Variants in TMCO5A observed in about 807,000 individuals in gnomAD.
The protein encoded by TMCO5A is transmembrane and coiled-coil domains 5A, also known as transmembrane and coiled-coil domain-containing protein 5A.
In TMCO5A, 34 loss-of-function variants were observed where a neutral mutation model predicts 42.3. The ratio of observed to expected loss-of-function variants is 0.80; its 90% CI spans 0.61 to 1.07. The LOEUF is 1.07. Among genes scored for constraint, TMCO5A ranks in the 50% least tolerant of loss-of-function variants. The pLI is 0.00. For synonymous variants in TMCO5A, 131 were observed against 115.6 expected, an observed-to-expected ratio of 1.13 and a Z score of -0.86; for missense variants, 357 against 327.9, an observed-to-expected ratio of 1.09 and a Z score of -0.69.
the TMCO5A span, among the ~76,000 whole-genome samples, chr15:38,031,344 C>T: frequency 6.6e-6 from 1 of 152,170 alleles, no homozygotes; most frequent in South Asian, 2.1e-4. Flanking sequence ...ATGACCCCAG[C>T]CTCCTGGTCT....
At chr15:38,029,367 CCACACACACACACACACA>C in the TMCO5A span, among the ~76,000 whole-genome samples, 1 of 147,954 alleles carries the variant, frequency 6.8e-6, no homozygotes, top group African/African-American at 2.5e-5. Flanking sequence ...CATGAATACA[CCACACACACACACACACA>C]CACACACACA....
chr15:38,009,384 T>C, the TMCO5A span, among the ~76,000 whole-genome samples: 1 of 152,158 alleles, frequency 6.6e-6, no homozygotes, highest in East Asian at 1.9e-4. Context: ...ACACCAGAGA[T>C]TGGGTTTGTG....
chr15:37,966,760 CT>C, exon 12 of TMCO5A: 2 of 699,542 alleles, frequency 2.9e-6, no homozygotes, highest in South Asian at 3.0e-5. Context: ...ATAAACTGGC[CT>C]ATCTGAGGTC....
chr15:37,969,919 AC>A (rs1416604390), downstream of TMCO5A, among the ~76,000 whole-genome samples: 2 of 152,066 alleles, frequency 1.3e-5, no homozygotes, highest in Non-Finnish European at 2.9e-5. Context: ...TATCCTGTCT[AC>A]CATTGATGGG....
chr15:38,004,023 G>C, the TMCO5A span, among the ~76,000 whole-genome samples: 1 of 151,980 alleles, frequency 6.6e-6, no homozygotes, highest in Non-Finnish European at 1.5e-5. Flanking sequence ...CACACATGAA[G>C]CCAGCATGGC....
chr15:37,973,553 A>G, the TMCO5A span, among the ~76,000 whole-genome samples: 1 of 152,064 alleles, frequency 6.6e-6, no homozygotes, highest in Non-Finnish European at 1.5e-5. Context: ...AATGTGATTC[A>G]TTCCTGATTT....
chr15:37,961,017 T>C (rs1890411601), intron 11 of TMCO5A, among the ~76,000 whole-genome samples: 3 of 152,182 alleles, frequency 2.0e-5, no homozygotes. Flanking sequence ...GACTATTCCT[T>C]TTGCCATACA....
chr15:38,005,264 GAA>G, the TMCO5A span, among the ~76,000 whole-genome samples: 4,870 of 89,266 alleles, frequency 0.055, 208 homozygotes, highest in African/African-American at 0.12. Context: ...GTACTTGACA[GAA>G]AAAAAAAAAA....
the TMCO5A span, among the ~76,000 whole-genome samples, chr15:38,036,169 GTTCCAGCT>G: frequency 6.6e-6 from 1 of 152,122 alleles, no homozygotes; most frequent in Non-Finnish European, 1.5e-5. Context: ...CTTAGTTTAA[GTTCCAGCT>G]CAATTGCAAG....
At chr15:38,034,953 A>G in the TMCO5A span, among the ~76,000 whole-genome samples, 131,137 of 152,112 alleles carry the variant, frequency 0.86, 56,720 homozygotes, top group East Asian at 0.95. Flanking sequence ...CAGGATCCAC[A>G]TCCAGAGCCT....
chr15:37,996,669 C>T, the TMCO5A span, among the ~76,000 whole-genome samples: 9 of 152,262 alleles, frequency 5.9e-5, no homozygotes, highest in African/African-American at 2.2e-4. Flanking sequence ...AAAGCACTCT[C>T]AACTTTAGAA....
At chr15:37,973,878 G>C in the TMCO5A span, among the ~76,000 whole-genome samples, 1 of 151,910 alleles carries the variant, frequency 6.6e-6, no homozygotes, top group East Asian at 1.9e-4. Flanking sequence ...TGCCCATTCA[G>C]TATGATGTTT....
the TMCO5A span, among the ~76,000 whole-genome samples, chr15:37,979,865 C>G: frequency 6.6e-6 from 1 of 152,134 alleles, no homozygotes; most frequent in African/African-American, 2.4e-5. Context: ...GAGGCCCTGC[C>G]CACTGAGGGT....
the TMCO5A span, among the ~76,000 whole-genome samples, chr15:38,016,120 T>TG: frequency 4.6e-5 from 7 of 151,916 alleles, no homozygotes; most frequent in Non-Finnish European, 1.0e-4. Flanking sequence ...ACCCCTATGG[T>TG]GGGGGGTGTT....
intron 9 of TMCO5A, 52 bp downstream of exon 9, chr15:37,942,307 C>A: frequency 6.4e-7 from 1 of 1,569,704 alleles, no homozygotes; most frequent in South Asian, 1.1e-5. Context: ...CCATCTCAGC[C>A]TGAGTCAGAG....
the TMCO5A span, among the ~76,000 whole-genome samples, chr15:38,014,394 G>T: frequency 6.6e-6 from 1 of 151,922 alleles, no homozygotes; most frequent in Non-Finnish European, 1.5e-5. Context: ...TTTCCCTTCA[G>T]CTCCCCATTC....
the TMCO5A span, among the ~76,000 whole-genome samples, chr15:38,009,876 G>A: frequency 6.6e-6 from 1 of 152,172 alleles, no homozygotes; most frequent in African/African-American, 2.4e-5. Flanking sequence ...GGAGCATAAT[G>A]AGCTTTAAAA....
intron 1 of TMCO5A, among the ~76,000 whole-genome samples, chr15:37,934,980 T>C (rs16965955): frequency 0.015 from 2,358 of 152,168 alleles, 48 homozygotes; most frequent in East Asian, 0.057. Context: ...TTCCACAGGG[T>C]TTTATGTTGA....
chr15:37,951,187 T>G lies in TMCO5A; in HGVS notation c.820T>G (p.Phe274Val). ...RSTLWKLRCF[F>V]FPSLTLETED... ...CACCTTGTGGAAGCTCAGATGCTTC[T>G]TCTTTCCATCTCTCACACTTGAGAC... The change falls in exon 12 of 12, where the codon TTC (phenylalanine) becomes GTC (valine). Residue 274 changes from phenylalanine to valine, a missense_variant. By Grantham distance (50) the Phe-to-Val change is conservative (BLOSUM62 -1). Transcript: ENST00000319669. The G allele has an allele frequency of 6.2e-7, 1 of 1,613,884 alleles. No homozygotes were observed. The highest frequency in any genetic ancestry group is 1.1e-5 in the South Asian group (1 of 91,072).
Sources: gnomAD v4.1 joint callset for allele counts (sites outside exome capture counted in the v4.1 genomes callset) on GRCh38, gnomAD v4.1.1 for gene constraint, MANE v1.5 for transcripts, NCBI Gene and HGNC (gene_info 2026-07-23, HGNC 2026-07-21) for gene names.